The following PDE8B variants were observed in gnomAD, a reference collection of about 807,000 sequenced individuals.
The protein encoded by PDE8B is phosphodiesterase 8B.
Under a neutral mutation model 101.3 loss-of-function variants are expected in PDE8B, and 26 were observed. The observed-to-expected ratio is 0.26, with a 90% CI of 0.19 to 0.36. The LOEUF (loss-of-function observed/expected upper bound fraction) is 0.36. Among genes scored for constraint, PDE8B ranks in the 10% least tolerant of loss-of-function variants. The probability of loss-of-function intolerance (pLI) is 1.00; values close to 1 mark genes in which losing one functional copy is unlikely to be tolerated. For missense variants in PDE8B, 810 were observed against 1,163.1 expected, an observed-to-expected ratio of 0.70 and a Z score of 4.42; for synonymous variants, 424 against 429.3, an observed-to-expected ratio of 0.99 and a Z score of 0.15.
chr5:77,160,238 G>A, the PDE8B span, among the ~76,000 whole-genome samples: 4 of 152,084 alleles, frequency 2.6e-5, no homozygotes, highest in Non-Finnish European at 5.9e-5. Context: ...AGGTGTTTAA[G>A]TTTAAAAAAA....
chr5:77,377,996 C>T (rs567482853), intron 10 of PDE8B, among the ~76,000 whole-genome samples: 1 of 135,124 alleles, frequency 7.4e-6, no homozygotes, highest in Non-Finnish European at 1.5e-5. Flanking sequence ...TGCTCGCTCT[C>T]TCCCTCTCTC....
At chr5:77,352,999 T>C (rs1482208029) in intron 9 of PDE8B, among the ~76,000 whole-genome samples, 1 of 152,230 alleles carries the variant, frequency 6.6e-6, no homozygotes, top group African/African-American at 2.4e-5. Flanking sequence ...AGCTATGCAA[T>C]TATTAGTATC....
chr5:77,276,169 C>T (rs143519916), intron 1 of PDE8B, among the ~76,000 whole-genome samples: 53 of 152,294 alleles, frequency 3.5e-4, no homozygotes, highest in African/African-American at 1.3e-3. Context: ...TTATTGTACT[C>T]AGCATTTAAA....
At chr5:77,096,444 C>G in the PDE8B span, among the ~76,000 whole-genome samples, 553 of 152,262 alleles carry the variant, frequency 3.6e-3, 2 homozygotes, top group Middle Eastern at 0.017. Flanking sequence ...CATTTATTAG[C>G]TCATAGTTCT....
intron 2 of PDE8B, among the ~76,000 whole-genome samples, chr5:77,318,186 T>C (rs2150172422): frequency 6.6e-6 from 1 of 151,980 alleles, no homozygotes; most frequent in East Asian, 1.9e-4. Context: ...CATGGCCTCA[T>C]AGGGAGCTGA....
At chr5:77,173,404 A>G in the PDE8B span, among the ~76,000 whole-genome samples, 852 of 152,256 alleles carry the variant, frequency 5.6e-3, 8 homozygotes, top group African/African-American at 0.019. Context: ...CTGACTTAAG[A>G]AGGTGGTTGT....
intron 6 of PDE8B, 132 bp from the exon 7 acceptor site, chr5:77,344,721 C>A: frequency 1.3e-6 from 1 of 749,902 alleles, no homozygotes. Flanking sequence ...GAGACATCAG[C>A]ATTCAGACCA....
chr5:77,332,830 T>C (rs965825219), intron 5 of PDE8B, among the ~76,000 whole-genome samples: 5 of 114,804 alleles, frequency 4.4e-5, no homozygotes, highest in East Asian at 2.3e-4. Context: ...AGAGTAAAAC[T>C]CCGTCTCAAA....
intron 1 of PDE8B, among the ~76,000 whole-genome samples, chr5:77,296,427 A>G (rs146182271): frequency 1.3e-5 from 2 of 152,064 alleles, no homozygotes; most frequent in African/African-American, 4.8e-5. Flanking sequence ...GTGCCTGGCT[A>G]ATCTTTTTTA....
At chr5:77,220,711 A>G (rs1378342102) in intron 1 of PDE8B, among the ~76,000 whole-genome samples, 1 of 152,256 alleles carries the variant, frequency 6.6e-6, no homozygotes, top group African/African-American at 2.4e-5. Flanking sequence ...AAATTGAATT[A>G]GAACTCCCAT....
At chr5:77,397,761 C>T (rs1279192779) in intron 10 of PDE8B, among the ~76,000 whole-genome samples, 1 of 152,108 alleles carries the variant, frequency 6.6e-6, no homozygotes, top group East Asian at 1.9e-4. Context: ...TCCAAACATG[C>T]CAAGAAATGA....
intron 1 of PDE8B, chr5:77,290,835 A>C: frequency 6.5e-7 from 1 of 1,527,614 alleles, no homozygotes; most frequent in African/African-American, 1.4e-5. Context: ...CTGCCTCTGG[A>C]AAGGAGCTCC....
At position 77,427,401 on chromosome 5, in the gene PDE8B, TA is replaced by T. The variant is rs10536220; in HGVS notation, c.*864del. The T allele has an allele frequency of 0.19, 27,055 of 144,274 alleles. 3,854 individuals carry two copies. The highest frequency in any genetic ancestry group is 0.43 in the East Asian group (2,099 of 4,920). The allele number at this position is 144,274 out of a possible 1,614,324, so 8.9% of individuals were successfully genotyped here. ...TGAATGCCCTTGGACAAGCTTTTCT[TA>T]AAAAAAAAAAAAAAAAGTTTATATA... On this transcript the variant is annotated 3_prime_UTR_variant, in exon 22 of 22. Transcript: ENST00000264917.
intron 13 of PDE8B, 61 bp from the exon 14 acceptor site, chr5:77,408,832 T>C (rs1240885111): frequency 7.5e-7 from 1 of 1,326,998 alleles, no homozygotes; most frequent in African/African-American, 1.4e-5. Context: ...TGGGCATATA[T>C]ATGACTTTTG....
chr5:77,383,156 T>A (rs1787846944), intron 10 of PDE8B, among the ~76,000 whole-genome samples: 1 of 152,226 alleles, frequency 6.6e-6, no homozygotes, highest in Admixed American at 6.5e-5. Context: ...GATATCTCAT[T>A]GTGGTTTTTA....
intron 1 of PDE8B, among the ~76,000 whole-genome samples, chr5:77,306,889 C>G (rs1047058481): frequency 4.6e-5 from 7 of 152,154 alleles, no homozygotes; most frequent in South Asian, 4.1e-4. Flanking sequence ...TTGATCATTG[C>G]AGTGTATTTT....
intron 10 of PDE8B, among the ~76,000 whole-genome samples, chr5:77,394,381 G>A (rs191858906): frequency 6.5e-4 from 99 of 152,292 alleles, no homozygotes; most frequent in Admixed American, 5.4e-3. Context: ...CAGGTAGCAA[G>A]ATCCTATATA....
At chr5:77,091,901 G>T in the PDE8B span, among the ~76,000 whole-genome samples, 1 of 152,136 alleles carries the variant, frequency 6.6e-6, no homozygotes, top group South Asian at 2.1e-4. Context: ...CTGGTTATGG[G>T]CAAAGCACCA....
At chr5:77,354,705 G>A (rs75532506) in intron 10 of PDE8B, among the ~76,000 whole-genome samples, 10,882 of 152,138 alleles carry the variant, frequency 0.072, 599 homozygotes, top group South Asian at 0.14. Flanking sequence ...ACCAAGCACA[G>A]TTCATGTCCA....
Sources: allele counts gnomAD v4.1 joint callset (sites outside exome capture counted in the v4.1 genomes callset), GRCh38; gene constraint gnomAD v4.1.1; transcripts MANE v1.5; gene names NCBI Gene and HGNC (gene_info 2026-07-23, HGNC 2026-07-21).